Variants in BCAR1 observed in about 807,000 individuals in gnomAD.
BCAR1 encodes the protein BCAR1 scaffold protein, Cas family member, also known as breast cancer anti-estrogen resistance protein 1.
A neutral mutation model predicts 67.6 loss-of-function variants in BCAR1; 30 were observed. That is an observed-to-expected ratio of 0.44 (90% CI 0.33 to 0.60). The LOEUF is 0.60. Among genes scored for constraint, BCAR1 ranks in the 20% least tolerant of loss-of-function variants. BCAR1 has a pLI of 0.02. For missense variants in BCAR1, 1,313 were observed against 1,222.3 expected, an observed-to-expected ratio of 1.07 and a Z score of -1.11; for synonymous variants, 626 against 556.7, an observed-to-expected ratio of 1.12 and a Z score of -1.75.
In BCAR1 at chr16:75,233,946, G is replaced by C. The variant is rs746736645; in HGVS notation, c.2011-11C>G. 6.3e-7 allele frequency: 1 copy of C among 1,595,868 alleles called. No individual in the cohort carries two copies. The highest frequency in any genetic ancestry group is 1.7e-5 in the Admixed American group (1 of 57,452). ...AAACTCCTCCTTCCCCTGGAGGGCA[G>C]AGACAGGGGCTGCGCTGAGGCCAGT... On this transcript the variant is annotated splice_polypyrimidine_tract_variant and intron_variant, in intron 5 of 6. Transcript: ENST00000162330.
chr16:75,252,263 G>T (rs981056743), upstream of BCAR1: 2 of 1,536,712 alleles, frequency 1.3e-6, no homozygotes, highest in East Asian at 2.4e-5. Context: ...GACATCTGGG[G>T]ACTCGGGCTG....
chr16:75,241,480 C>T (rs2077339144), intron 2 of BCAR1, among the ~76,000 whole-genome samples: 1 of 152,134 alleles, frequency 6.6e-6, no homozygotes, highest in East Asian at 1.9e-4. Flanking sequence ...GGACCCTGCT[C>T]CTCTTGCTAA....
chr16:75,266,809 A>T, intron 1 of BCAR1: 1 of 1,407,202 alleles, frequency 7.1e-7, no homozygotes, highest in Non-Finnish European at 9.4e-7. Context: ...GGTCCAGAGC[A>T]CTGTCCCGGA....
chr16:75,234,901 G>C lies in BCAR1; in HGVS notation c.1998C>G (p.Tyr666Ter). The change falls in exon 5 of 7, where the codon TAC becomes TAG. Residue 666 changes from tyrosine to a stop codon, truncating the protein, a stop_gained. Transcript: ENST00000162330. LOFTEE classifies it high-confidence loss of function. ...SEGGWMEDYD[Y>*]VHLQGKEEFE... ...AGGCGGCACCCACCTGTAGGTGGAC[G>C]TAGTCATAGTCCTCCATCCAGCCCC... is the stretch of plus-strand genomic sequence containing the variant. 1 of 1,534,958 alleles carries C rather than the reference G, an allele frequency of 6.5e-7. No individual in the cohort carries two copies. Among genetic ancestry groups the C allele is most frequent in the Non-Finnish European group, 8.8e-7 (1 of 1,136,902 alleles).
At chr16:75,239,130 C>T (rs147990499) in intron 2 of BCAR1, 182 of 983,434 alleles carry the variant, frequency 1.9e-4, no homozygotes, top group Non-Finnish European at 2.1e-4. Flanking sequence ...AACAGAGCAA[C>T]GCAGCCACCA....
chr16:75,233,534 C>A (rs1189085461), intron 6 of BCAR1, among the ~76,000 whole-genome samples: 2 of 152,232 alleles, frequency 1.3e-5, no homozygotes, highest in African/African-American at 4.8e-5. Flanking sequence ...CAGGGAGCAG[C>A]TTGGAGGAAG....
At chr16:75,251,402 G>T in intron 1 of BCAR1, 69 bp downstream of exon 1, 1 of 1,473,682 alleles carries the variant, frequency 6.8e-7, no homozygotes. Context: ...AATGCCGCTC[G>T]CTTAACCCCT....
chr16:75,261,042 C>A (rs1023310170), intron 1 of BCAR1, among the ~76,000 whole-genome samples: 1 of 152,214 alleles, frequency 6.6e-6, no homozygotes, highest in Non-Finnish European at 1.5e-5. Flanking sequence ...AGCCTCTAAT[C>A]CCCCTTGGAG....
At position 75,229,596 on chromosome 16, in the gene BCAR1, G is replaced by T. The variant is rs1360212748; in HGVS notation, c.2528C>A (p.Ala843Asp). 6.2e-7 allele frequency: 1 copy of T among 1,611,466 alleles called. No homozygotes were observed. Among genetic ancestry groups the T allele is most frequent in the Non-Finnish European group, 8.5e-7 (1 of 1,179,570 alleles). The change falls in exon 7 of 7, where the codon GCC becomes GAC. Residue 843 changes from alanine (A) to aspartate (D), a missense_variant. Ala to Asp is a moderately radical substitution (Grantham distance 126). Around this residue, in one of 2 missense-constraint regions of BCAR1, gnomAD observed 1,272 missense variants for 1,137.5 expected, o/e 1.12. Transcript: ENST00000162330. ...AALQYPSPSAAQDMVERVKEL... is the reference protein window; with the variant it reads ...AALQYPSPSADQDMVERVKEL... ...CTTGACCCTCTCCACCATGTCCTGG[G>T]CCGCGGAAGGCGATGGGTACTGCAA...
At chr16:75,263,113 A>T (rs2077940805) in intron 1 of BCAR1, 1 of 772,082 alleles carries the variant, frequency 1.3e-6, no homozygotes, top group Admixed American at 6.3e-5. Flanking sequence ...ACAGGGCGGC[A>T]TCCCTGAAAG....
intron 6 of BCAR1, among the ~76,000 whole-genome samples, chr16:75,232,711 G>A (rs1356325064): frequency 6.6e-6 from 1 of 152,144 alleles, no homozygotes; most frequent in African/African-American, 2.4e-5. Flanking sequence ...CCACCGTTCT[G>A]AGATGTCAAT....
intron 1 of BCAR1, chr16:75,263,220 T>A: frequency 1.0e-6 from 1 of 982,848 alleles, no homozygotes; most frequent in Non-Finnish European, 1.2e-6. Flanking sequence ...CAGGGAGGCC[T>A]CTCTGCAGCT....
At chr16:75,233,524 C>G (rs2076975817) in intron 6 of BCAR1, among the ~76,000 whole-genome samples, 1 of 152,240 alleles carries the variant, frequency 6.6e-6, no homozygotes, top group Admixed American at 6.5e-5. Flanking sequence ...CCCGGCCATG[C>G]AGGGAGCAGC....
intron 1 of BCAR1, among the ~76,000 whole-genome samples, chr16:75,244,828 C>A (rs1486498871): frequency 6.6e-6 from 1 of 152,166 alleles, no homozygotes; most frequent in Non-Finnish European, 1.5e-5. Flanking sequence ...ACCATGATTA[C>A]AACAAAATGA....
intron 1 of BCAR1, chr16:75,265,837 C>A (rs902162418): frequency 6.5e-5 from 77 of 1,186,498 alleles, no homozygotes; most frequent in Non-Finnish European, 7.4e-5. Flanking sequence ...GCACGGACAT[C>A]TTGGCCGCCG....
intron 1 of BCAR1, among the ~76,000 whole-genome samples, chr16:75,260,422 T>G (rs1256005571): frequency 1.3e-5 from 2 of 152,110 alleles, no homozygotes; most frequent in Non-Finnish European, 2.9e-5. Context: ...ACGGATGAGG[T>G]CAGGCGTTCG....
intron 1 of BCAR1, chr16:75,249,049 G>C (rs1365971042): frequency 6.5e-6 from 1 of 152,778 alleles, no homozygotes; most frequent in Admixed American, 6.5e-5. Flanking sequence ...GCATGGGGAG[G>C]GCTCTCCTGC....
At chr16:75,267,789 G>T in intron 1 of BCAR1, 1 of 1,002,284 alleles carries the variant, frequency 1.0e-6, no homozygotes, top group Non-Finnish European at 1.5e-6. Context: ...GAGGGGCGCA[G>T]ATGGAGCTGG....
rs1440265768 is a variant in BCAR1, at chr16:75,257,151, G to C, written c.66+10764C>G. Among the ~76,000 whole-genome samples the C allele has an allele frequency of 3.3e-5, 5 of 152,348 alleles. No individual in the cohort carries two copies. In the South Asian group the frequency reaches 8.3e-4, roughly 25 times the overall value. On this transcript the variant is annotated intron_variant, in intron 1 of 6. Coordinates refer to the BCAR1 transcript ENST00000393422. ...TCTCCACTGACTGGCCGGGTGGGCA[G>C]GGATGAGGGTGTGGTCAGGAGGCCT... is the stretch of plus-strand genomic sequence containing the variant.
Sources: gnomAD v4.1 joint callset for allele counts (sites outside exome capture counted in the v4.1 genomes callset) on GRCh38, gnomAD v4.1.1 for gene constraint, gnomAD v4.1.1 regional missense constraint, MANE v1.5 for transcripts, NCBI Gene and HGNC (gene_info 2026-07-23, HGNC 2026-07-21) for gene names.